Variants in HIF3A observed in about 807,000 individuals in gnomAD.
The protein encoded by HIF3A is hypoxia inducible factor 3 subunit alpha, also known as hypoxia-inducible factor 3-alpha.
A neutral mutation model predicts 67.2 loss-of-function variants in HIF3A; 41 were observed. The observed-to-expected ratio is 0.61, with a 90% confidence interval of 0.48 to 0.79. HIF3A has a LOEUF of 0.79. Ranked by LOEUF, HIF3A falls within the 30% of genes least tolerant of loss-of-function variation. The probability of loss-of-function intolerance (pLI) is 0.00; values close to 1 mark genes in which losing one functional copy is unlikely to be tolerated. For synonymous variants in HIF3A, 356 were observed against 374.8 expected (o/e 0.95, Z 0.58); for missense variants, 855 against 898.0 (o/e 0.95, Z 0.61).
chr19:46,321,838 G>A lies in HIF3A; in HGVS notation c.1207G>A (p.Ala403Thr). 1.9e-6 allele frequency: 3 copies of A among 1,613,860 alleles called. No homozygotes were observed. Among genetic ancestry groups the A allele is most frequent in the Non-Finnish European group, 8.5e-7 (1 of 1,180,012 alleles). ...HPPSLSEAAL[A>T]ADPRRFCSPD... ...GCCTTCCCTGAGCGAGGCTGCCCTG[G>A]CCGCTGACCCCCGCCGTTTCTGCAG... The change falls in exon 10 of 15, where the codon GCC becomes ACC. Residue 403 changes from alanine to threonine, a missense_variant. Ala to Thr is a moderately conservative substitution (Grantham distance 58). Coordinates refer to ENST00000377670, the MANE Select transcript of HIF3A (RefSeq NM_152795.4).
rs1441536179 is a variant in HIF3A, at chr19:46,334,975, A to G, written c.1901A>G (p.Asn634Ser). The part of the protein sequence containing the change: ...QDPSTPLLNL[N>S]EPLGLGPSLL... ...CCCAGCACCCCACTCCTGAACCTGA[A>G]TGAGCCCCTGGGTGAGTAGCAACCT... The change falls in exon 14 of 15, where the codon AAT becomes AGT. Residue 634 changes from asparagine to serine, a missense_variant. Transcript: ENST00000377670. 2 of 1,605,396 alleles carry G rather than the reference A, an allele frequency of 1.2e-6. No individual in the cohort carries two copies. The highest frequency in any genetic ancestry group is 2.7e-5 in the African/African-American group (2 of 74,836).
intron 11 of HIF3A, among the ~76,000 whole-genome samples, chr19:46,328,521 T>C (rs1970952866): frequency 6.6e-6 from 1 of 152,204 alleles, no homozygotes; most frequent in South Asian, 2.1e-4. Context: ...GCTGGGAATC[T>C]TAGCTGGATC....
intron 2 of HIF3A, 61 bp downstream of exon 2, chr19:46,304,149 A>C (rs937325389): frequency 1.1e-5 from 15 of 1,417,348 alleles, no homozygotes; most frequent in Non-Finnish European, 1.2e-5. Context: ...AAAAAACTAC[A>C]TCCCAGGGAG....
At chr19:46,309,904 T>A (rs1391457505) in intron 6 of HIF3A, among the ~76,000 whole-genome samples, 1 of 151,618 alleles carries the variant, frequency 6.6e-6, no homozygotes, top group Non-Finnish European at 1.5e-5. Flanking sequence ...TTGGACAACA[T>A]AGGGAGACCC....
At chr19:46,304,746 C>T (rs1672625395) in intron 2 of HIF3A, among the ~76,000 whole-genome samples, 1 of 152,118 alleles carries the variant, frequency 6.6e-6, no homozygotes, top group Admixed American at 6.5e-5. Context: ...TTCCCTGCCC[C>T]ATAGAATTTT....
At chr19:46,328,964 G>A (rs1299870999) in intron 11 of HIF3A, 5 of 390,152 alleles carry the variant, frequency 1.3e-5, no homozygotes, top group Non-Finnish European at 2.3e-5. Context: ...CTCAAGTGAT[G>A]CTCCCGACTC....
chr19:46,305,516 C>T, intron 3 of HIF3A, 126 bp downstream of exon 3: 1 of 954,660 alleles, frequency 1.0e-6, no homozygotes, highest in Non-Finnish European at 1.6e-6. Context: ...AGGTATGTCA[C>T]TAGACAGGAA....
chr19:46,304,103 C>T lies in HIF3A; in HGVS notation c.217+15C>T, dbSNP rs756194874. On this transcript the variant is annotated intron_variant, in intron 2 of 14. Coordinates refer to ENST00000377670, the MANE Select transcript of HIF3A (RefSeq NM_152795.4). ...CTGCGCCGCAGGTGAGCCCCGCCCG[C>T]GGGAATTCCCGTCTTGGTCAGGCCC... 1.9e-5 allele frequency: 29 copies of T among 1,546,706 alleles called. No homozygotes were observed. The highest frequency in any genetic ancestry group is 1.8e-4 in the African/African-American group (13 of 73,312).
rs540972385 is a variant in HIF3A, at chr19:46,322,909, A to G, written c.1335+943A>G. On this transcript the variant is annotated intron_variant, in intron 10 of 14. Coordinates refer to ENST00000377670, the MANE Select transcript of HIF3A (RefSeq NM_152795.4). Reference sequence around the variant, plus strand: ...GAGCTTCCATGCCGTCCCGGGCACCACCCTCCAGAAACCTCCATGGGTCAG... The same window carrying G: ...GAGCTTCCATGCCGTCCCGGGCACCGCCCTCCAGAAACCTCCATGGGTCAG... Among the ~76,000 whole-genome samples, 5 of 152,152 alleles carry G rather than the reference A, an allele frequency of 3.3e-5. No individual in the cohort carries two copies. In the East Asian group the frequency reaches 9.7e-4, roughly 30 times the overall value.
intron 1 of HIF3A, among the ~76,000 whole-genome samples, chr19:46,302,351 C>T (rs181988730): frequency 2.0e-5 from 3 of 152,202 alleles, no homozygotes; most frequent in Admixed American, 6.5e-5. Context: ...AGGATGGCCT[C>T]GATCTCCTGA....
chr19:46,305,351 CCTGT>C lies in HIF3A; in HGVS notation c.326_329del (p.Leu109ArgfsTer36). 6.2e-7 allele frequency: 1 copy of C among 1,614,096 alleles called. No individual in the cohort carries two copies. The highest frequency in any genetic ancestry group is 8.5e-7 in the Non-Finnish European group (1 of 1,180,032). On this transcript the variant is annotated frameshift_variant, in exon 3 of 15. Coordinates refer to ENST00000377670, the MANE Select transcript of HIF3A (RefSeq NM_152795.4). LOFTEE classifies it high-confidence loss of function. ...TCACCGCCGAGGGAGACATGGCTTA[CCTGT>C]CGGAGAATGTCAGCAAACACCTGGG...
chr19:46,319,490 G>A (rs1266238574), intron 8 of HIF3A, among the ~76,000 whole-genome samples: 1 of 152,072 alleles, frequency 6.6e-6, no homozygotes. Flanking sequence ...GAGACTGTGT[G>A]AAGGGAGGTG....
Position 46,308,213 on chromosome 19 carries a change from C to G in HIF3A, c.364-8C>G. On this transcript the variant is annotated splice_region_variant and splice_polypyrimidine_tract_variant and intron_variant, in intron 3 of 14. Coordinates refer to ENST00000377670, the MANE Select transcript of HIF3A (RefSeq NM_152795.4). ...CTGGTAGACCCCCACCCCTCTCATC[C>G]CTGGCAGCTGGAGCTCATTGGACAC... 1 of 1,610,196 alleles carries G rather than the reference C, an allele frequency of 6.2e-7. No individual in the cohort carries two copies. The highest frequency in any genetic ancestry group is 1.7e-5 in the Admixed American group (1 of 59,968).
intron 12 of HIF3A, 74 bp from the exon 13 acceptor site, chr19:46,331,082 A>G (rs1167655047): frequency 1.9e-5 from 22 of 1,162,678 alleles, no homozygotes; most frequent in Non-Finnish European, 2.8e-5. Flanking sequence ...ATGAATGCTC[A>G]TCACCTGCTT....
chr19:46,305,411 T>C (rs747491562), intron 3 of HIF3A, 21 bp downstream of exon 3: 1 of 1,611,874 alleles, frequency 6.2e-7, no homozygotes, highest in Non-Finnish European at 8.5e-7. Flanking sequence ...CTCCTTGCTC[T>C]GTGCCTGGCC....
Position 46,329,446 on chromosome 19 carries a change from A to T in HIF3A, c.1680A>T (p.Ser560=), listed in dbSNP as rs1273604973. The T allele has an allele frequency of 3.9e-6, 6 of 1,548,830 alleles. No individual in the cohort carries two copies. Among genetic ancestry groups the T allele is most frequent in the Non-Finnish European group, 5.2e-6 (6 of 1,146,420 alleles). ...SCSSPSRGDP[S]ASSPMAGARK... ...CCAGCCCTTCCAGAGGGGACCCCTC[A>T]GCATCCTCTCCCATGGCTGGGGCTC... Residue 560 remains serine, a synonymous_variant, in exon 12 of 15, where the codon TCA becomes TCT. Transcript: ENST00000377670.
In HIF3A at chr19:46,339,598, G is replaced by T; in HGVS notation, c.1986G>T (p.Arg662Ser). Reference sequence around the variant, plus strand: ...AGCCCGGGGGCCCCTTCCAGCCAAGGGCAGGCTCAGCCCAGGCTGACTGAG... The same window carrying T: ...AGCCCGGGGGCCCCTTCCAGCCAAGTGCAGGCTCAGCCCAGGCTGACTGAG... ...TTQPGGPFQP[R>S]AGSAQAD The change falls in exon 15 of 15, where the codon AGG becomes AGT. Residue 662 changes from arginine (R) to serine (S), a missense_variant. Physicochemically the swap from Arg to Ser is moderately radical, Grantham distance 110. Coordinates refer to ENST00000377670, the MANE Select transcript of HIF3A (RefSeq NM_152795.4). 1 of 1,608,182 alleles carries T rather than the reference G, an allele frequency of 6.2e-7. No homozygotes were observed. Among genetic ancestry groups the T allele is most frequent in the Non-Finnish European group, 8.5e-7 (1 of 1,176,524 alleles).
intron 6 of HIF3A, among the ~76,000 whole-genome samples, chr19:46,311,360 G>A (rs1227868849): frequency 6.6e-6 from 1 of 152,218 alleles, no homozygotes; most frequent in African/African-American, 2.4e-5. Flanking sequence ...GGAGGCCAAG[G>A]CAGGAGGATG....
At chr19:46,321,632 C>A in intron 9 of HIF3A, 144 bp from the exon 10 acceptor site, 1 of 724,742 alleles carries the variant, frequency 1.4e-6, no homozygotes, top group Non-Finnish European at 2.3e-6. Context: ...TCCTCCAGGC[C>A]CCTTCCTTAC....
Sources: gnomAD v4.1 joint callset for allele counts (sites outside exome capture counted in the v4.1 genomes callset) on GRCh38, gnomAD v4.1.1 for gene constraint, MANE v1.5 for transcripts, NCBI Gene and HGNC (gene_info 2026-07-23, HGNC 2026-07-21) for gene names.